The following CNTNAP2 variants were observed in gnomAD, a reference collection of about 807,000 sequenced individuals.
CNTNAP2 encodes the protein contactin associated protein 2, also known as contactin-associated protein-like 2.
Under a neutral mutation model 155.2 loss-of-function variants are expected in CNTNAP2, and 98 were observed. The observed-to-expected ratio is 0.63, with a 90% CI of 0.54 to 0.75. The LOEUF is 0.75. Among genes scored for constraint, CNTNAP2 ranks in the 30% least tolerant of loss-of-function variants. CNTNAP2 has a pLI of 0.00. For missense variants in CNTNAP2, 1,727 were observed against 1,688.1 expected, an observed-to-expected ratio of 1.02 and a Z score of -0.40; for synonymous variants, 651 against 631.2, an observed-to-expected ratio of 1.03 and a Z score of -0.47.
intron 13 of CNTNAP2, among the ~76,000 whole-genome samples, chr7:147,874,578 C>T (rs1799391473): frequency 6.6e-6 from 1 of 152,292 alleles, no homozygotes; most frequent in Non-Finnish European, 1.5e-5. Flanking sequence ...CCATTTTTCC[C>T]TCCTAGGCCT....
chr7:148,071,142 T>G (rs1803372525), intron 15 of CNTNAP2, among the ~76,000 whole-genome samples: 1 of 152,114 alleles, frequency 6.6e-6, no homozygotes, highest in Admixed American at 6.6e-5. Context: ...CATATCCCAG[T>G]TTTATGAGAC....
intron 1 of CNTNAP2, among the ~76,000 whole-genome samples, chr7:146,658,446 T>G (rs936463741): frequency 6.6e-6 from 1 of 151,994 alleles, no homozygotes; most frequent in Non-Finnish European, 1.5e-5. Context: ...AAAAGGAATA[T>G]TCATCCTTTT....
At chr7:147,124,286 G>A (rs577769076) in intron 6 of CNTNAP2, among the ~76,000 whole-genome samples, 34 of 152,300 alleles carry the variant, frequency 2.2e-4, no homozygotes, top group African/African-American at 7.5e-4. Context: ...ACCTGAAGAT[G>A]CAATGTCCTG....
Position 147,562,158 on chromosome 7 carries a change from G to T in CNTNAP2, c.1798G>T (p.Glu600Ter), listed in dbSNP as rs1279344319. Residue 600 changes from glutamate (E) to a stop codon, truncating the protein, a stop_gained, in exon 12 of 24, where the codon GAA becomes TAA. Coordinates refer to ENST00000361727, the MANE Select transcript of CNTNAP2 (RefSeq NM_014141.6). LOFTEE classifies it high-confidence loss of function. ...CHNSIYEPSCEAYKHLGQTSN... is the reference protein window; with the variant it reads ...CHNSIYEPSC Reference sequence around the variant, plus strand: ...TCTAGCTATCTACGAGCCTTCCTGTGAAGCCTACAAACACCTAGGACAGAC... The same window carrying T: ...TCTAGCTATCTACGAGCCTTCCTGTTAAGCCTACAAACACCTAGGACAGAC... 1 of 1,614,012 alleles carries T rather than the reference G, an allele frequency of 6.2e-7. No individual in the cohort carries two copies. The highest frequency in any genetic ancestry group is 1.1e-5 in the South Asian group (1 of 91,086).
At chr7:146,153,622 T>G (rs901747743) in intron 1 of CNTNAP2, among the ~76,000 whole-genome samples, 3 of 152,146 alleles carry the variant, frequency 2.0e-5, no homozygotes, top group African/African-American at 7.2e-5. Context: ...CTATCTCATA[T>G]GGAGGGCCTA....
intron 8 of CNTNAP2, among the ~76,000 whole-genome samples, chr7:147,199,097 G>C (rs747774532): frequency 6.6e-6 from 1 of 151,800 alleles, no homozygotes; most frequent in Non-Finnish European, 1.5e-5. Context: ...GTGTAGCTGG[G>C]ACTACAGGCG....
intron 3 of CNTNAP2, among the ~76,000 whole-genome samples, chr7:146,925,873 A>T (rs1796598057): frequency 6.6e-6 from 1 of 152,110 alleles, no homozygotes; most frequent in Admixed American, 6.6e-5. Flanking sequence ...ACACACTGAC[A>T]ATTCAATTCT....
At chr7:147,071,884 T>A (rs553934642) in intron 4 of CNTNAP2, among the ~76,000 whole-genome samples, 10 of 152,204 alleles carry the variant, frequency 6.6e-5, no homozygotes, top group Admixed American at 6.5e-5. Flanking sequence ...ATTGATTCAG[T>A]AACAATGACT....
chr7:146,629,764 A>G (rs1438280332), intron 1 of CNTNAP2, among the ~76,000 whole-genome samples: 1 of 152,154 alleles, frequency 6.6e-6, no homozygotes, highest in African/African-American at 2.4e-5. Flanking sequence ...CACACTGTGC[A>G]TGAGTAATAA....
intron 1 of CNTNAP2, among the ~76,000 whole-genome samples, chr7:146,674,333 T>A (rs187578982): frequency 1.8e-4 from 27 of 152,180 alleles, no homozygotes; most frequent in Admixed American, 1.3e-3. Context: ...TTACGTACTT[T>A]CTTAGTAATA....
rs536455073 is a variant in CNTNAP2 at position 147,112,656 on chromosome 7, G to C, written c.754+4306G>C. Among the ~76,000 whole-genome samples the C allele has an allele frequency of 2.0e-5, 3 of 152,212 alleles. No homozygotes were observed. The South Asian group carries it at 6.2e-4, about 32-fold the overall frequency. On this transcript the variant is annotated intron_variant, in intron 5 of 23. Coordinates refer to ENST00000361727, the MANE Select transcript of CNTNAP2 (RefSeq NM_014141.6). ...GTGGTTTTTGTCTTTAGATCTCTTT[G>C]TGTGATTAATCACATTTATTGATAT...
chr7:146,497,785 T>A (rs1797241098), intron 1 of CNTNAP2, among the ~76,000 whole-genome samples: 1 of 149,478 alleles, frequency 6.7e-6, no homozygotes, highest in African/African-American at 2.4e-5. Flanking sequence ...ATACATATGA[T>A]TTCCATATAT....
intron 1 of CNTNAP2, among the ~76,000 whole-genome samples, chr7:146,372,079 A>G (rs1049687657): frequency 6.6e-6 from 1 of 152,238 alleles, no homozygotes; most frequent in Admixed American, 6.5e-5. Flanking sequence ...ACAAAATAGG[A>G]CAATGAAGAG....
intron 18 of CNTNAP2, among the ~76,000 whole-genome samples, chr7:148,183,373 A>G (rs1448207436): frequency 6.6e-6 from 1 of 152,116 alleles, no homozygotes; most frequent in South Asian, 2.1e-4. Context: ...AACATATATC[A>G]TTAAAGCCTA....
At chr7:146,161,905 A>C (rs1798229223) in intron 1 of CNTNAP2, among the ~76,000 whole-genome samples, 1 of 152,224 alleles carries the variant, frequency 6.6e-6, no homozygotes, top group African/African-American at 2.4e-5. Flanking sequence ...AAAACGAGAA[A>C]TGGGGAAAGG....
At chr7:146,199,171 T>A (rs1798821145) in intron 1 of CNTNAP2, among the ~76,000 whole-genome samples, 1 of 152,114 alleles carries the variant, frequency 6.6e-6, no homozygotes, top group Non-Finnish European at 1.5e-5. Context: ...AATTATTCCA[T>A]CTCTGTTACT....
intron 3 of CNTNAP2, among the ~76,000 whole-genome samples, chr7:147,003,342 C>G (rs1282190619): frequency 1.3e-5 from 2 of 151,490 alleles, no homozygotes; most frequent in African/African-American, 4.9e-5. Context: ...CCAACCCCCC[C>G]CAAAAAAGTA....
intron 22 of CNTNAP2, among the ~76,000 whole-genome samples, chr7:148,385,684 C>CAAAG (rs1585327737): frequency 1.3e-5 from 2 of 150,664 alleles, no homozygotes; most frequent in African/African-American, 4.9e-5. Context: ...CTGTAGGGAC[C>CAAAG]AAAGAGTTTT....
At chr7:146,548,694 C>T (rs1798069199) in intron 1 of CNTNAP2, among the ~76,000 whole-genome samples, 1 of 150,020 alleles carries the variant, frequency 6.7e-6, no homozygotes, top group Non-Finnish European at 1.5e-5. Context: ...TTATAAAGTT[C>T]TGTTATCATT....
Sources: allele counts gnomAD v4.1 joint callset (sites outside exome capture counted in the v4.1 genomes callset), GRCh38; gene constraint gnomAD v4.1.1; transcripts MANE v1.5; gene names NCBI Gene and HGNC (gene_info 2026-07-23, HGNC 2026-07-21).